Variants in SPAG16 observed in about 807,000 individuals in gnomAD.
SPAG16 encodes the protein sperm associated antigen 16.
A neutral mutation model predicts 80.4 loss-of-function variants in SPAG16; 86 were observed. That is an observed-to-expected ratio of 1.07 (90% CI 0.90 to 1.28). The LOEUF (loss-of-function observed/expected upper bound fraction) is 1.28, where lower values mean the gene tolerates loss of function less well. SPAG16 is among the 50% of genes most tolerant of loss of function. The pLI, the probability that SPAG16 is intolerant of heterozygous loss-of-function variation, is 0.00. For missense variants in SPAG16, 870 were observed against 765.3 expected, an observed-to-expected ratio of 1.14 and a Z score of -1.61; for synonymous variants, 294 against 265.9, an observed-to-expected ratio of 1.11 and a Z score of -1.03.
chr2:213,904,269 G>T (rs1470207955), intron 11 of SPAG16, among the ~76,000 whole-genome samples: 2 of 152,114 alleles, frequency 1.3e-5, no homozygotes, highest in Non-Finnish European at 2.9e-5. Context: ...ACTGGAGACT[G>T]GGAAGAAAAA....
intron 5 of SPAG16, among the ~76,000 whole-genome samples, chr2:213,333,136 A>T (rs950150376): frequency 6.6e-6 from 1 of 152,126 alleles, no homozygotes; most frequent in Non-Finnish European, 1.5e-5. Context: ...CAAAAAAATG[A>T]TGAGAACTGA....
chr2:214,080,442 C>CA (rs11346646), intron 13 of SPAG16, among the ~76,000 whole-genome samples: 1,645 of 136,892 alleles, frequency 0.012, 32 homozygotes, highest in African/African-American at 0.04. Context: ...ACTAAAAATA[C>CA]AAAAAAAAAA....
intron 15 of SPAG16, among the ~76,000 whole-genome samples, chr2:214,358,037 A>C (rs1698933298): frequency 6.6e-6 from 1 of 151,992 alleles, no homozygotes; most frequent in African/African-American, 2.4e-5. Context: ...TGGAACCTGC[A>C]CATATTCTTG....
intron 10 of SPAG16, among the ~76,000 whole-genome samples, chr2:213,670,286 G>A (rs571213852): frequency 4.6e-5 from 7 of 152,112 alleles, no homozygotes; most frequent in South Asian, 2.1e-4. Flanking sequence ...GTGAGCCACC[G>A]CGCCAGGCCA....
At chr2:214,150,550 T>G (rs1174452998) in intron 15 of SPAG16, among the ~76,000 whole-genome samples, 12 of 152,098 alleles carry the variant, frequency 7.9e-5, no homozygotes, top group Admixed American at 7.9e-4. Flanking sequence ...ACCATAGCTC[T>G]AAAGGAACTC....
At chr2:214,104,596 C>A (rs1449660708) in intron 13 of SPAG16, among the ~76,000 whole-genome samples, 2 of 148,898 alleles carry the variant, frequency 1.3e-5, no homozygotes, top group South Asian at 2.1e-4. Flanking sequence ...AAGAGGTATT[C>A]TTATTCCCAG....
At chr2:214,200,788 A>T (rs1326098520) in intron 15 of SPAG16, among the ~76,000 whole-genome samples, 1 of 152,250 alleles carries the variant, frequency 6.6e-6, no homozygotes, top group Non-Finnish European at 1.5e-5. Flanking sequence ...AATGTTTGTG[A>T]AACAAATATA....
chr2:213,819,591 C>A (rs2072800732), intron 10 of SPAG16, among the ~76,000 whole-genome samples: 1 of 152,092 alleles, frequency 6.6e-6, no homozygotes, highest in Non-Finnish European at 1.5e-5. Flanking sequence ...GTCACCCAGG[C>A]TAAAGTGCAA....
At chr2:214,177,987 A>G (rs1419683931) in intron 15 of SPAG16, among the ~76,000 whole-genome samples, 7 of 42,490 alleles carry the variant, frequency 1.6e-4, no homozygotes, top group Non-Finnish European at 4.3e-4. Context: ...ATATATATAT[A>G]TATATATATA....
chr2:213,296,838 A>G (rs990999808), intron 2 of SPAG16, among the ~76,000 whole-genome samples: 2 of 152,226 alleles, frequency 1.3e-5, no homozygotes, highest in African/African-American at 4.8e-5. Context: ...ATTGCAATCC[A>G]TCACGTCCTT....
chr2:214,061,085 C>G (rs1017756099), intron 13 of SPAG16, among the ~76,000 whole-genome samples: 7 of 152,162 alleles, frequency 4.6e-5, no homozygotes, highest in African/African-American at 1.7e-4. Flanking sequence ...GTTTGTGAGA[C>G]AGAGTACTAA....
intron 1 of SPAG16, among the ~76,000 whole-genome samples, chr2:213,287,998 T>G (rs575630123): frequency 2.8e-4 from 43 of 152,336 alleles, no homozygotes; most frequent in Admixed American, 2.1e-3. Context: ...TTCAAATTCC[T>G]GGGCTCGAGC....
intron 9 of SPAG16, among the ~76,000 whole-genome samples, chr2:213,418,489 A>G (rs1349014996): frequency 6.6e-6 from 1 of 152,142 alleles, no homozygotes; most frequent in Admixed American, 6.5e-5. Flanking sequence ...TTTTGGTTTG[A>G]TAATATGTTT....
intron 10 of SPAG16, among the ~76,000 whole-genome samples, chr2:213,615,662 ATTAAC>A (rs1451535545): frequency 5.9e-5 from 9 of 152,236 alleles, no homozygotes; most frequent in African/African-American, 2.2e-4. Flanking sequence ...ATGACAATGT[ATTAAC>A]TTAAATTAAC....
chr2:213,812,466 A>T (rs2072226475), intron 10 of SPAG16, among the ~76,000 whole-genome samples: 1 of 152,208 alleles, frequency 6.6e-6, no homozygotes, highest in Admixed American at 6.5e-5. Context: ...GGTTATTACA[A>T]CCAAAATATC....
chr2:213,421,081 G>C (rs2125436712), intron 9 of SPAG16, among the ~76,000 whole-genome samples: 1 of 151,772 alleles, frequency 6.6e-6, no homozygotes, highest in Admixed American at 6.6e-5. Context: ...TGGTGGAGCA[G>C]GAGCCCCATG....
chr2:213,612,714 T>C (rs1414264484), intron 10 of SPAG16, among the ~76,000 whole-genome samples: 1 of 152,178 alleles, frequency 6.6e-6, no homozygotes, highest in East Asian at 1.9e-4. Context: ...AGTTTCGCTC[T>C]TGTTGCCCAG....
chr2:213,301,078 T>G (rs914047735), intron 3 of SPAG16, among the ~76,000 whole-genome samples: 1 of 152,136 alleles, frequency 6.6e-6, no homozygotes, highest in Non-Finnish European at 1.5e-5. Flanking sequence ...AAAAACGCAA[T>G]TACTTTTGCA....
intron 6 of SPAG16, among the ~76,000 whole-genome samples, chr2:213,343,083 C>T (rs979054537): frequency 3.3e-5 from 5 of 151,956 alleles, no homozygotes; most frequent in East Asian, 1.9e-4. Context: ...TCTTTGGCCA[C>T]GTAACTAACT....
Sources: gnomAD v4.1 joint callset for allele counts (sites outside exome capture counted in the v4.1 genomes callset) on GRCh38, gnomAD v4.1.1 for gene constraint, MANE v1.5 for transcripts, NCBI Gene and HGNC (gene_info 2026-07-23, HGNC 2026-07-21) for gene names.